The following SPECC1L variants were observed in gnomAD, a reference collection of about 807,000 sequenced individuals.
SPECC1L encodes sperm antigen with calponin homology and coiled-coil domains 1 like.
In SPECC1L, 40 loss-of-function variants were observed where a neutral mutation model predicts 116.8. The ratio of observed to expected loss-of-function variants is 0.34; its 90% CI spans 0.27 to 0.45. The LOEUF is 0.45. SPECC1L is among the 20% of genes least tolerant of loss of function. The pLI is 1.00. For missense variants in SPECC1L, 1,110 were observed against 1,373.6 expected, an observed-to-expected ratio of 0.81 and a Z score of 3.03; for synonymous variants, 504 against 500.6, an observed-to-expected ratio of 1.01 and a Z score of -0.09.
chr22:24,388,689 T>C lies in SPECC1L; in HGVS notation c.3087+19369T>C, dbSNP rs551532043. On this transcript the variant is annotated intron_variant, in intron 14 of 16. Transcript: ENST00000314328. Reference sequence around the variant, plus strand: ...GACTTCCACAATGGTTGAACTAGTTTAATCACATCTGCAAACTCTCTTGCC... The same window carrying C: ...GACTTCCACAATGGTTGAACTAGTTCAATCACATCTGCAAACTCTCTTGCC... Among the ~76,000 whole-genome samples, 9 of 152,332 alleles carry C rather than the reference T, an allele frequency of 5.9e-5. No individual in the cohort carries two copies. In the East Asian group the frequency reaches 1.3e-3, roughly 23 times the overall value.
At chr22:24,303,883 G>T (rs1019510855) in intron 3 of SPECC1L, among the ~76,000 whole-genome samples, 1 of 142,742 alleles carries the variant, frequency 7.0e-6, no homozygotes, top group African/African-American at 2.6e-5. Context: ...GTGTGTGTGT[G>T]TGTAGCAGGA....
intron 14 of SPECC1L, among the ~76,000 whole-genome samples, chr22:24,387,705 A>G (rs2146719663): frequency 6.6e-6 from 1 of 152,354 alleles, no homozygotes; most frequent in Non-Finnish European, 1.5e-5. Flanking sequence ...AATTTATAAT[A>G]CTGTATTTGT....
rs769395661 is a variant in SPECC1L, at chr22:24,365,517, G to A, written c.2869G>A (p.Ala957Thr). ...SSEEVKRDIS[A>T]QEGASPASLM... is the part of the protein sequence containing the mutation. ...TGAAGAAGTGAAACGGGACATTTCT[G>A]CACAGGAGGGAGCGTCGCCAGCCTC... Residue 957 changes from alanine to threonine, a missense_variant, in exon 13 of 17, where the codon GCA becomes ACA. This residue lies in a region of SPECC1L where 575 missense variants were observed against 682.4 expected (regional missense o/e 0.84). Transcript: ENST00000314328. 1.2e-6 allele frequency: 2 copies of A among 1,614,076 alleles called. No individual in the cohort carries two copies. Among genetic ancestry groups the A allele is most frequent in the South Asian group, 2.2e-5 (2 of 91,076 alleles).
chr22:24,404,794 C>T (rs1217458222), intron 14 of SPECC1L, among the ~76,000 whole-genome samples: 1 of 152,210 alleles, frequency 6.6e-6, no homozygotes, highest in African/African-American at 2.4e-5. Flanking sequence ...CCCATGAAAC[C>T]CCAGGTGAGG....
At chr22:24,299,561 T>TA (rs1239546827) in intron 2 of SPECC1L, among the ~76,000 whole-genome samples, 141 of 152,356 alleles carry the variant, frequency 9.3e-4, no homozygotes, top group African/African-American at 3.4e-3. Context: ...TTTGACTGTG[T>TA]TTCTTTTCTC....
chr22:24,379,609 A>C (rs1450384395), intron 14 of SPECC1L, among the ~76,000 whole-genome samples: 1 of 152,192 alleles, frequency 6.6e-6, no homozygotes, highest in Non-Finnish European at 1.5e-5. Flanking sequence ...GAAATATGAT[A>C]TAGGATGGTT....
At chr22:24,390,852 C>CTT (rs60006066) in intron 14 of SPECC1L, among the ~76,000 whole-genome samples, 42 of 48,514 alleles carry the variant, frequency 8.7e-4, no homozygotes, top group African/African-American at 1.5e-3. Flanking sequence ...GCCTGTGTTC[C>CTT]TTTTTTTTTT....
chr22:24,377,323 T>C (rs1175677283), intron 14 of SPECC1L, among the ~76,000 whole-genome samples: 2 of 152,208 alleles, frequency 1.3e-5, no homozygotes, highest in Admixed American at 1.3e-4. Flanking sequence ...ACTTTTTTTT[T>C]TCGACATGAG....
intron 14 of SPECC1L, among the ~76,000 whole-genome samples, chr22:24,400,894 T>G (rs1244248507): frequency 1.3e-5 from 2 of 152,256 alleles, no homozygotes; most frequent in African/African-American, 4.8e-5. Context: ...CTCATTTTTA[T>G]GTTTGGGCAA....
Position 24,322,554 on chromosome 22 carries a change from A to G in SPECC1L, c.1574A>G (p.Gln525Arg). 1 of 1,614,214 alleles carries G rather than the reference A, an allele frequency of 6.2e-7. No individual in the cohort carries two copies. The highest frequency in any genetic ancestry group is 8.5e-7 in the Non-Finnish European group (1 of 1,180,038). ...HLSNTLKMAE[Q>R]DNKEAQEMIG... ...AGCAATACTTTGAAAATGGCAGAAC[A>G]AGACAATAAGGAAGCTCAAGAAATG... Residue 525 changes from glutamine to arginine, a missense_variant, in exon 5 of 17, where the codon CAA becomes CGA. Coordinates refer to ENST00000314328, the MANE Select transcript of SPECC1L (RefSeq NM_015330.6).
rs547754996 is a variant in SPECC1L, at chr22:24,383,229, A to G, written c.3087+13909A>G. On this transcript the variant is annotated intron_variant, in intron 14 of 16. Coordinates refer to ENST00000314328, the MANE Select transcript of SPECC1L (RefSeq NM_015330.6). Reference sequence around the variant, plus strand: ...TCAGCCCTTATTCTAGTTACCTGCCAGAAGAAACTTAGCCTCTATACTATT... The same window carrying G: ...TCAGCCCTTATTCTAGTTACCTGCCGGAAGAAACTTAGCCTCTATACTATT... 2.6e-5 allele frequency among the ~76,000 whole-genome samples: 4 copies of G among 152,328 alleles called. No homozygotes were observed. In the East Asian group the frequency reaches 7.7e-4, roughly 29 times the overall value.
intron 14 of SPECC1L, among the ~76,000 whole-genome samples, chr22:24,389,393 G>A (rs1264269426): frequency 6.6e-6 from 1 of 152,100 alleles, no homozygotes; most frequent in African/African-American, 2.4e-5. Context: ...GATTACAGAT[G>A]TGAGCCACTG....
At chr22:24,288,993 A>G (rs1156745786) in intron 2 of SPECC1L, among the ~76,000 whole-genome samples, 1 of 152,222 alleles carries the variant, frequency 6.6e-6, no homozygotes, top group Non-Finnish European at 1.5e-5. Flanking sequence ...GCAAAATGAA[A>G]TGTTTCATTT....
rs1212735949 is a variant in SPECC1L at position 24,414,654 on chromosome 22, G to A, written c.*31G>A. 3.1e-6 allele frequency: 5 copies of A among 1,600,754 alleles called. No homozygotes were observed. In the South Asian group the frequency reaches 4.4e-5, roughly 14 times the overall value. ...CCGGGAGGAGCCGCCCCAATAGCGGGGGTACCCCTCCACAGCGACCGAGCG... is the reference window on the plus strand; with the variant it reads ...CCGGGAGGAGCCGCCCCAATAGCGGAGGTACCCCTCCACAGCGACCGAGCG... On this transcript the variant is annotated 3_prime_UTR_variant, in exon 17 of 17. Coordinates refer to ENST00000314328, the MANE Select transcript of SPECC1L (RefSeq NM_015330.6).
At chr22:24,301,962 T>A (rs777657379) in intron 2 of SPECC1L, among the ~76,000 whole-genome samples, 34 of 151,472 alleles carry the variant, frequency 2.2e-4, no homozygotes, top group Non-Finnish European at 4.3e-4. Flanking sequence ...AGGAGAATGG[T>A]GTGAACCCGG....
At chr22:24,316,524 T>A (rs1274068387) in intron 4 of SPECC1L, among the ~76,000 whole-genome samples, 26 of 150,360 alleles carry the variant, frequency 1.7e-4, no homozygotes, top group Non-Finnish European at 2.2e-4. Context: ...ACAAAGCACA[T>A]CTTGCACCGC....
chr22:24,366,351 G>A (rs929062615), intron 13 of SPECC1L, among the ~76,000 whole-genome samples: 3 of 151,908 alleles, frequency 2.0e-5, no homozygotes, highest in African/African-American at 7.3e-5. Flanking sequence ...CTGCCACCTC[G>A]CCCGGCTAAT....
At chr22:24,330,137 T>G (rs2040910164) in intron 7 of SPECC1L, 119 bp from the exon 8 acceptor site, 1 of 997,962 alleles carries the variant, frequency 1.0e-6, no homozygotes. Context: ...TTAAAAAAAT[T>G]AATCATCATT....
intron 14 of SPECC1L, among the ~76,000 whole-genome samples, chr22:24,373,205 G>A (rs1253788691): frequency 6.6e-6 from 1 of 152,140 alleles, no homozygotes. Flanking sequence ...ACTGCCCAAG[G>A]TAATTTATAG....
Sources: gnomAD v4.1 joint callset for allele counts (sites outside exome capture counted in the v4.1 genomes callset) on GRCh38, gnomAD v4.1.1 for gene constraint, gnomAD v4.1.1 regional missense constraint, MANE v1.5 for transcripts, NCBI Gene and HGNC (gene_info 2026-07-23, HGNC 2026-07-21) for gene names.